The following NEK11 variants were observed in gnomAD, a reference collection of about 807,000 sequenced individuals.
The protein encoded by NEK11 is NIMA related kinase 11.
A neutral mutation model predicts 80.7 loss-of-function variants in NEK11; 72 were observed. The ratio of observed to expected loss-of-function variants is 0.89; its 90% CI spans 0.74 to 1.08. The LOEUF (loss-of-function observed/expected upper bound fraction) is 1.08, where lower values mean the gene tolerates loss of function less well. Ranked by LOEUF, NEK11 falls within the 50% of genes least tolerant of loss-of-function variation. The pLI, the probability that NEK11 is intolerant of heterozygous loss-of-function variation, is 0.00. For missense variants in NEK11, 764 were observed against 763.6 expected (o/e 1.00, Z -0.01); for synonymous variants, 251 against 260.7 (o/e 0.96, Z 0.36).
At chr3:131,211,247 G>A (rs2094602849) in intron 14 of NEK11, among the ~76,000 whole-genome samples, 1 of 152,124 alleles carries the variant, frequency 6.6e-6, no homozygotes, top group African/African-American at 2.4e-5. Context: ...AGTTTGGCTG[G>A]ATATGAAATT....
rs1486517036 is a variant in NEK11, at chr3:131,080,551, A to C, written c.299A>C (p.Glu100Ala). 1 of 1,613,616 alleles carries C rather than the reference A, an allele frequency of 6.2e-7. No homozygotes were observed. Among genetic ancestry groups the C allele is most frequent in the South Asian group, 1.1e-5 (1 of 90,886 alleles). ...GTCAAGTTCCATGCAAGTTTTGTGG[A>C]GCAAGATAATTTCTGCATTATCACG... The part of the protein sequence containing the change: ...AIVKFHASFV[E>A]QDNFCIITEY... Residue 100 changes from glutamate to alanine, a missense_variant, in exon 4 of 18, where the codon GAG (glutamate) becomes GCG (alanine). Glu to Ala is a moderately radical substitution (Grantham distance 107). Coordinates refer to ENST00000383366, the MANE Select transcript of NEK11 (RefSeq NM_024800.5).
rs771969598 is a variant in NEK11, at chr3:131,109,922, G to A, written c.455+1G>A. The A allele has an allele frequency of 6.0e-5, 95 of 1,590,910 alleles. No homozygotes were observed. The highest frequency in any genetic ancestry group is 7.1e-5 in the Non-Finnish European group (83 of 1,171,910). ...TGGGAGTTGACTACATGCATGAGAG[G>A]TATGTTCATTTGCTACTGGGGGAGC... On this transcript the variant is annotated splice_donor_variant, in intron 5 of 17. Transcript: ENST00000383366. LOFTEE classifies it high-confidence loss of function.
intron 3 of NEK11, among the ~76,000 whole-genome samples, chr3:131,044,858 C>T (rs2067144749): frequency 6.6e-6 from 1 of 152,118 alleles, no homozygotes; most frequent in African/African-American, 2.4e-5. Context: ...CTAAAATCGA[C>T]CACATAATTG....
intron 14 of NEK11, among the ~76,000 whole-genome samples, chr3:131,197,110 C>T (rs891216164): frequency 7.9e-5 from 12 of 152,054 alleles, no homozygotes; most frequent in Non-Finnish European, 1.3e-4. Flanking sequence ...TTGCAAGCCC[C>T]GGGTTTAAAG....
chr3:131,189,497 C>T (rs1371084128), intron 14 of NEK11, among the ~76,000 whole-genome samples: 1 of 152,168 alleles, frequency 6.6e-6, no homozygotes, highest in Non-Finnish European at 1.5e-5. Context: ...GGGTACTAAT[C>T]CCATTCATGA....
At chr3:131,210,569 G>A (rs1013650757) in intron 14 of NEK11, among the ~76,000 whole-genome samples, 2 of 152,136 alleles carry the variant, frequency 1.3e-5, no homozygotes, top group South Asian at 4.1e-4. Flanking sequence ...TGTTGACAGT[G>A]GGGTGTTAAA....
chr3:131,103,298 G>T (rs184705120), intron 4 of NEK11, among the ~76,000 whole-genome samples: 16 of 152,270 alleles, frequency 1.1e-4, no homozygotes, highest in Admixed American at 7.8e-4. Context: ...GAAGGTTGGC[G>T]TTCCTTTAAT....
intron 14 of NEK11, among the ~76,000 whole-genome samples, chr3:131,192,098 CA>C (rs1294487301): frequency 6.6e-6 from 1 of 152,022 alleles, no homozygotes; most frequent in Non-Finnish European, 1.5e-5. Flanking sequence ...AACAACAAAT[CA>C]AACAGCCCAA....
intron 15 of NEK11, among the ~76,000 whole-genome samples, chr3:131,235,163 C>T (rs2095409693): frequency 1.3e-5 from 2 of 152,158 alleles, no homozygotes; most frequent in Admixed American, 6.5e-5. Context: ...CGGTGACCTT[C>T]ACTGTGAGAT....
At chr3:131,043,090 G>A (rs1434518566) in intron 3 of NEK11, among the ~76,000 whole-genome samples, 5 of 152,088 alleles carry the variant, frequency 3.3e-5, no homozygotes, top group Non-Finnish European at 4.4e-5. Flanking sequence ...GGATGACCAC[G>A]CAAAAACTTC....
chr3:131,029,595 T>C lies in NEK11; in HGVS notation c.-96-18T>C. 1.9e-6 allele frequency: 2 copies of C among 1,060,900 alleles called. No homozygotes were observed. The highest frequency in any genetic ancestry group is 3.2e-5 in the South Asian group (2 of 62,708). 65.7% of individuals were successfully genotyped at this position (1,060,900 alleles called of 1,614,324 possible). A position where few individuals can be genotyped will look rare whatever the true frequency, so the allele number is the denominator to read the frequency against. ...TTAGCAACCTTTAGACCTGATCTTT[T>C]AACTTTTCATCTTTAAGGAACTGAC... On this transcript the variant is annotated intron_variant, in intron 2 of 17. Coordinates refer to ENST00000383366, the MANE Select transcript of NEK11 (RefSeq NM_024800.5).
chr3:131,242,547 A>G (rs1414763213), intron 15 of NEK11, among the ~76,000 whole-genome samples: 1 of 152,110 alleles, frequency 6.6e-6, no homozygotes, highest in African/African-American at 2.4e-5. Flanking sequence ...CTCCTGAAAG[A>G]TGTTTTCTTT....
intron 4 of NEK11, among the ~76,000 whole-genome samples, chr3:131,097,481 G>T (rs990110341): frequency 1.3e-5 from 2 of 152,020 alleles, no homozygotes; most frequent in Admixed American, 6.6e-5. Context: ...TTCTCTAATG[G>T]CCAGTGATGA....
rs2089909330 is a variant in NEK11, at chr3:131,152,713, T to C, written c.876+4T>C. 14 of 1,599,144 alleles carry C rather than the reference T, an allele frequency of 8.8e-6. No individual in the cohort carries two copies. In the African/African-American group the frequency reaches 9.4e-5, roughly 11 times the overall value. ...TTACCTTGATGAGCAGCTACAGGTA[T>C]TTAAAATGAAAGGGATTCTGGGAAA... On this transcript the variant is annotated splice_donor_region_variant and intron_variant, in intron 9 of 17. Transcript: ENST00000383366.
intron 5 of NEK11, among the ~76,000 whole-genome samples, chr3:131,113,409 A>C (rs1291011435): frequency 6.6e-6 from 1 of 152,094 alleles, no homozygotes; most frequent in Non-Finnish European, 1.5e-5. Flanking sequence ...AACAAAGACT[A>C]GGGTACAAAT....
At position 131,311,272 on chromosome 3, in the gene NEK11, T is replaced by C. The variant is rs375733049; in HGVS notation, c.1718+37698T>C. Among the ~76,000 whole-genome samples the C allele has an allele frequency of 2.8e-4, 42 of 152,328 alleles. No individual in the cohort carries two copies. The South Asian group carries it at 8.1e-3, about 29-fold the overall frequency. On this transcript the variant is annotated intron_variant, in intron 17 of 17. Coordinates refer to ENST00000383366, the MANE Select transcript of NEK11 (RefSeq NM_024800.5). ...TATGTGTTGGGAACATTTCAAGTCC[T>C]CTCTTGTAGCTATTTTGAAATATAC...
intron 17 of NEK11, among the ~76,000 whole-genome samples, chr3:131,283,737 T>C (rs970086386): frequency 3.3e-5 from 5 of 152,118 alleles, no homozygotes; most frequent in Non-Finnish European, 7.4e-5. Context: ...CTTTTTAAAA[T>C]AAAAGGTCAG....
intron 14 of NEK11, among the ~76,000 whole-genome samples, chr3:131,200,753 A>G (rs2094196876): frequency 6.6e-6 from 1 of 152,220 alleles, no homozygotes. Flanking sequence ...CCCTAGAGTT[A>G]GTGAGCCAGG....
chr3:131,083,475 C>T (rs1578012667), intron 4 of NEK11, among the ~76,000 whole-genome samples: 2 of 152,298 alleles, frequency 1.3e-5, no homozygotes, highest in South Asian at 2.1e-4. Flanking sequence ...CAGATTGCTC[C>T]GTTCTTGTTA....
Sources: gnomAD v4.1 joint callset for allele counts (sites outside exome capture counted in the v4.1 genomes callset) on GRCh38, gnomAD v4.1.1 for gene constraint, MANE v1.5 for transcripts, NCBI Gene and HGNC (gene_info 2026-07-23, HGNC 2026-07-21) for gene names.